The following BLTP2 variants were observed in gnomAD, a reference collection of about 807,000 sequenced individuals.
BLTP2 encodes the protein bridge-like lipid transfer protein family member 2, also known as U937-associated antigen.
At chr17:28,634,049 G>A in the BLTP2 span, 1 of 1,614,110 alleles carries the variant, frequency 6.2e-7, no homozygotes, top group Non-Finnish European at 8.5e-7. Flanking sequence ...GCCAGTCACG[G>A]ATCTCAAACA....
the BLTP2 span, chr17:28,624,299 G>C: frequency 1.2e-6 from 2 of 1,614,132 alleles, no homozygotes; most frequent in Non-Finnish European, 1.7e-6. Flanking sequence ...AGGCAGCAAT[G>C]CCACACAACT....
At chr17:28,616,854 C>T in the BLTP2 span, 1 of 1,606,212 alleles carries the variant, frequency 6.2e-7, no homozygotes, top group Non-Finnish European at 8.5e-7. This position sits in a 1 kb window ranked among gnomAD's most constrained non-coding sequence, Gnocchi z 4.8. Context: ...TTGAATGTCC[C>T]TTGTTCCCAG....
the BLTP2 span, chr17:28,636,884 G>GAAAAAAAAAA: frequency 1.1e-6 from 1 of 942,602 alleles, no homozygotes. Flanking sequence ...GAAAAGACAA[G>GAAAAAAAAAA]AAAAAAAAAA....
At chr17:28,616,832 C>T in the BLTP2 span, 2 of 1,605,744 alleles carry the variant, frequency 1.2e-6, no homozygotes, top group Non-Finnish European at 1.7e-6. The surrounding 1 kb of genome is among the most constrained non-coding windows in gnomAD (Gnocchi z 4.8). Flanking sequence ...TCGTGTAACA[C>T]ACAGGTGGCT....
the BLTP2 span, among the ~76,000 whole-genome samples, chr17:28,631,060 T>C: frequency 6.6e-6 from 1 of 152,224 alleles, no homozygotes; most frequent in Non-Finnish European, 1.5e-5. Flanking sequence ...CCTACTCCTA[T>C]GGACTTTACT....
At chr17:28,634,008 T>A in the BLTP2 span, 1 of 1,614,184 alleles carries the variant, frequency 6.2e-7, no homozygotes, top group South Asian at 1.1e-5. Flanking sequence ...CTGACCACTC[T>A]GCTCGGTGCC....
the BLTP2 span, chr17:28,639,581 A>C: frequency 6.2e-7 from 1 of 1,614,146 alleles, no homozygotes. Context: ...ACACCTGCAC[A>C]CTAGCCTTGA....
chr17:28,617,219 A>G, the BLTP2 span: 2 of 1,605,896 alleles, frequency 1.2e-6, no homozygotes, highest in African/African-American at 1.3e-5. Flanking sequence ...AGGAAAGGGG[A>G]AAAAAGACTT....
At chr17:28,618,842 A>G in the BLTP2 span, 1 of 1,613,846 alleles carries the variant, frequency 6.2e-7, no homozygotes, top group Non-Finnish European at 8.5e-7. Flanking sequence ...CCAGCTGTCC[A>G]TCTTCCTCTG....
the BLTP2 span, chr17:28,634,059 A>G: frequency 6.2e-7 from 1 of 1,614,170 alleles, no homozygotes; most frequent in South Asian, 1.1e-5. Flanking sequence ...GATCTCAAAC[A>G]GGTACCGTGG....
chr17:28,617,248 GGGA>G, the BLTP2 span: 1 of 1,613,962 alleles, frequency 6.2e-7, no homozygotes, highest in South Asian at 1.1e-5. Flanking sequence ...GACAGCATTG[GGGA>G]GGAGGTTGTT....
At chr17:28,615,801 G>T in the BLTP2 span, 9 of 1,613,272 alleles carry the variant, frequency 5.6e-6, no homozygotes, top group Non-Finnish European at 7.6e-6. Flanking sequence ...TTCTCACCCT[G>T]TAAGAGGAGG....
chr17:28,636,977 G>C, the BLTP2 span: 1 of 1,614,072 alleles, frequency 6.2e-7, no homozygotes, highest in East Asian at 2.2e-5. Flanking sequence ...CCAGAGAGCG[G>C]ATGCTGCTGT....
At chr17:28,643,086 A>T in the BLTP2 span, 1 of 1,594,994 alleles carries the variant, frequency 6.3e-7, no homozygotes, top group Admixed American at 1.7e-5. Context: ...TATGCCCTAA[A>T]AACAGAAAAA....
At chr17:28,638,525 CAG>C in the BLTP2 span, 1 of 1,607,916 alleles carries the variant, frequency 6.2e-7, no homozygotes. Context: ...GAGCCTTACC[CAG>C]AGAGATAGAA....
the BLTP2 span, among the ~76,000 whole-genome samples, chr17:28,630,119 C>T: frequency 6.2e-4 from 94 of 152,242 alleles, no homozygotes; most frequent in Middle Eastern, 3.4e-3. Flanking sequence ...CCACCCTGGC[C>T]TCCCAGAGTG....
the BLTP2 span, chr17:28,628,286 G>A: frequency 3.7e-6 from 6 of 1,614,116 alleles, no homozygotes; most frequent in East Asian, 1.3e-4. Flanking sequence ...CCCTTATCAG[G>A]TTGTCCACTG....
the BLTP2 span, chr17:28,638,140 A>G: frequency 1.2e-6 from 2 of 1,603,640 alleles, no homozygotes; most frequent in Non-Finnish European, 1.7e-6. Flanking sequence ...GCAGGCGCAC[A>G]GTTTTATAAT....
chr17:28,633,815 C>G, the BLTP2 span: 1 of 1,597,284 alleles, frequency 6.3e-7, no homozygotes, highest in Non-Finnish European at 8.6e-7. Context: ...CTCCTTCACT[C>G]CAGAAGGGTC....
Sources: allele counts gnomAD v4.1 joint callset (sites outside exome capture counted in the v4.1 genomes callset), GRCh38; gene constraint gnomAD v4.1.1; non-coding constraint Gnocchi (gnomAD v3.1); transcripts MANE v1.5; gene names NCBI Gene and HGNC (gene_info 2026-07-23, HGNC 2026-07-21).